Variants in ARHGAP28 observed in about 807,000 individuals in gnomAD.
ARHGAP28 encodes rho GTPase-activating protein 28.
A neutral mutation model predicts 90.7 loss-of-function variants in ARHGAP28; 56 were observed. The observed-to-expected ratio is 0.62, with a 90% CI of 0.50 to 0.77. The LOEUF (loss-of-function observed/expected upper bound fraction) is 0.77, where lower values mean the gene tolerates loss of function less well. Ranked by LOEUF, ARHGAP28 falls within the 30% of genes least tolerant of loss-of-function variation. The pLI, the probability that ARHGAP28 is intolerant of heterozygous loss-of-function variation, is 0.00. For synonymous variants in ARHGAP28, 308 were observed against 323.3 expected, an observed-to-expected ratio of 0.95 and a Z score of 0.51; for missense variants, 869 against 900.9, an observed-to-expected ratio of 0.96 and a Z score of 0.45.
chr18:6,801,149 A>G (rs976618926), intron 1 of ARHGAP28, among the ~76,000 whole-genome samples: 2 of 152,182 alleles, frequency 1.3e-5, no homozygotes, highest in Non-Finnish European at 2.9e-5. Flanking sequence ...GTTTAGGTCT[A>G]TGATCCATTT....
At chr18:6,800,593 G>GCAAACTAACACAAGAACAGAAAAC (rs2056474870) in intron 1 of ARHGAP28, among the ~76,000 whole-genome samples, 1 of 152,072 alleles carries the variant, frequency 6.6e-6, no homozygotes, top group Non-Finnish European at 1.5e-5. Flanking sequence ...ATCATTCTCA[G>GCAAACTAACACAAGAACAGAAAAC]CAAACTAACA....
chr18:6,761,745 T>A (rs2056161751), intron 1 of ARHGAP28, among the ~76,000 whole-genome samples: 1 of 152,176 alleles, frequency 6.6e-6, no homozygotes, highest in African/African-American at 2.4e-5. Context: ...TGAATAGTGG[T>A]TTTCAACTTG....
intron 16 of ARHGAP28, chr18:6,898,796 A>G (rs2057322468): frequency 8.3e-7 from 1 of 1,199,594 alleles, no homozygotes; most frequent in Non-Finnish European, 1.0e-6. Context: ...GGAAAACCAA[A>G]CATCATATGT....
chr18:6,906,945 A>C (rs1331815249), intron 16 of ARHGAP28, among the ~76,000 whole-genome samples: 1 of 152,202 alleles, frequency 6.6e-6, no homozygotes, highest in Non-Finnish European at 1.5e-5. Context: ...AAAAAAACCA[A>C]ACAATCCAAT....
At chr18:6,789,214 T>C (rs372892372) in intron 1 of ARHGAP28, 2 of 151,940 alleles carry the variant, frequency 1.3e-5, no homozygotes, top group African/African-American at 4.8e-5. Flanking sequence ...ATGCATAGAG[T>C]TGGCACCTCA....
intron 1 of ARHGAP28, among the ~76,000 whole-genome samples, chr18:6,764,451 C>G (rs573593895): frequency 6.6e-6 from 1 of 152,268 alleles, no homozygotes; most frequent in East Asian, 1.9e-4. Flanking sequence ...AGGGACCACC[C>G]TATGTCTCAA....
At chr18:6,894,981 T>C in intron 15 of ARHGAP28, 90 bp downstream of exon 15, 1 of 1,239,264 alleles carries the variant, frequency 8.1e-7, no homozygotes, top group Non-Finnish European at 1.2e-6. Flanking sequence ...ATGTTGGTCA[T>C]GAACTATCCT....
At chr18:6,847,346 T>C (rs1195800034) in intron 3 of ARHGAP28, among the ~76,000 whole-genome samples, 4 of 152,146 alleles carry the variant, frequency 2.6e-5, no homozygotes, top group African/African-American at 4.8e-5. Context: ...CTTTTTATCC[T>C]TACGTTCCAT....
At chr18:6,872,199 A>C (rs1251876069) in intron 7 of ARHGAP28, among the ~76,000 whole-genome samples, 2 of 152,176 alleles carry the variant, frequency 1.3e-5, no homozygotes, top group East Asian at 3.9e-4. Context: ...GCTCCTTCTG[A>C]GGTTTGGCTC....
chr18:6,809,022 T>A (rs2056538331), intron 1 of ARHGAP28, among the ~76,000 whole-genome samples: 1 of 152,352 alleles, frequency 6.6e-6, no homozygotes, highest in East Asian at 1.9e-4. Flanking sequence ...CTCGCCTTCC[T>A]GAGCTTTGAT....
chr18:6,896,075 A>G (rs892184254), intron 15 of ARHGAP28, among the ~76,000 whole-genome samples: 1 of 152,232 alleles, frequency 6.6e-6, no homozygotes, highest in Non-Finnish European at 1.5e-5. Flanking sequence ...GCTGCTAACT[A>G]AAGAAATAGG....
chr18:6,811,268 C>T (rs2056554289), intron 1 of ARHGAP28, among the ~76,000 whole-genome samples: 1 of 152,038 alleles, frequency 6.6e-6, no homozygotes, highest in Non-Finnish European at 1.5e-5. Context: ...TGTTCATTGA[C>T]TAAATGAATA....
In ARHGAP28 at chr18:6,911,077, G is replaced by A. The variant is rs146915646; in HGVS notation, c.2096-983G>A. The stretch of plus-strand genomic sequence containing the variant: ...TCCCGATCTCCTGACCTTGTGATCC[G>A]CCCACCTCGGCCTCCCAAAGTGCTG... On this transcript the variant is annotated intron_variant, in intron 17 of 17. Coordinates refer to ENST00000383472, the MANE Select transcript of ARHGAP28 (RefSeq NM_001366230.1). Among the ~76,000 whole-genome samples the A allele has an allele frequency of 1.4e-3, 215 of 152,072 alleles. 5 individuals carry two copies. In the East Asian group the frequency reaches 0.034, roughly 24 times the overall value.
chr18:6,841,170 C>CTCTCTCTCTCTT (rs1567966451), intron 3 of ARHGAP28, among the ~76,000 whole-genome samples: 1 of 81,126 alleles, frequency 1.2e-5, no homozygotes, highest in Non-Finnish European at 2.5e-5. Flanking sequence ...TCTCTCTCCT[C>CTCTCTCTCTCTT]TCTCTCTCTC....
chr18:6,783,333 C>T (rs527768263), intron 1 of ARHGAP28, among the ~76,000 whole-genome samples: 1 of 147,064 alleles, frequency 6.8e-6, no homozygotes, highest in Non-Finnish European at 1.5e-5. Context: ...TGGAGTTTCG[C>T]TCTTGTTACC....
At chr18:6,744,593 C>T (rs2056006545) in intron 1 of ARHGAP28, among the ~76,000 whole-genome samples, 1 of 152,162 alleles carries the variant, frequency 6.6e-6, no homozygotes, top group South Asian at 2.1e-4. Flanking sequence ...CTCTCAGGTA[C>T]TTTTGCTGTC....
Position 6,827,027 on chromosome 18 carries a change from C to T in ARHGAP28, c.325+2063C>T, listed in dbSNP as rs182409285. On this transcript the variant is annotated intron_variant, in intron 2 of 17. Coordinates refer to ENST00000383472, the MANE Select transcript of ARHGAP28 (RefSeq NM_001366230.1). ...GGGTAAGGTCACAGATCAACAGGAT[C>T]CCAAGGCAGAAGAATTTATCTTAGT... Among the ~76,000 whole-genome samples the T allele has an allele frequency of 8.2e-3, 1,247 of 152,222 alleles. 5 individuals are homozygous for T. Among genetic ancestry groups the T allele is most frequent in the Middle Eastern group, 0.014 (4 of 294 alleles).
intron 16 of ARHGAP28, among the ~76,000 whole-genome samples, chr18:6,905,772 G>A (rs935061159): frequency 2.6e-5 from 4 of 151,938 alleles, no homozygotes; most frequent in African/African-American, 9.7e-5. Flanking sequence ...AAAACCAAAA[G>A]TAAAAACACA....
chr18:6,740,786 T>G (rs8084747), intron 1 of ARHGAP28, among the ~76,000 whole-genome samples: 1 of 151,970 alleles, frequency 6.6e-6, no homozygotes, highest in Admixed American at 6.6e-5. Context: ...TGAGTAAGGA[T>G]AGCCAGGAAC....
Sources: allele counts gnomAD v4.1 joint callset (sites outside exome capture counted in the v4.1 genomes callset), GRCh38; gene constraint gnomAD v4.1.1; transcripts MANE v1.5; gene names NCBI Gene and HGNC (gene_info 2026-07-23, HGNC 2026-07-21).